Variants in AUTS2 observed in about 807,000 individuals in gnomAD.
The protein encoded by AUTS2 is activator of transcription and developmental regulator AUTS2.
Under a neutral mutation model 112.4 loss-of-function variants are expected in AUTS2, and 17 were observed. The observed-to-expected ratio is 0.15, with a 90% CI of 0.10 to 0.23. AUTS2 has a LOEUF of 0.23. Among genes scored for constraint, AUTS2 ranks in the 10% least tolerant of loss-of-function variants. The pLI, the probability that AUTS2 is intolerant of heterozygous loss-of-function variation, is 1.00. For synonymous variants in AUTS2, 751 were observed against 702.7 expected, an observed-to-expected ratio of 1.07 and a Z score of -1.09; for missense variants, 1,510 against 1,701.6, an observed-to-expected ratio of 0.89 and a Z score of 1.98.
At chr7:69,727,770 CTTTG>C (rs1786588008) in intron 1 of AUTS2, among the ~76,000 whole-genome samples, 2 of 152,214 alleles carry the variant, frequency 1.3e-5, no homozygotes, top group African/African-American at 4.8e-5. Flanking sequence ...AATCCTCCCA[CTTTG>C]TTTTCTTTTC....
At chr7:70,427,339 G>T (rs1001895283) in intron 4 of AUTS2, among the ~76,000 whole-genome samples, 1 of 152,170 alleles carries the variant, frequency 6.6e-6, no homozygotes, top group African/African-American at 2.4e-5. Context: ...ATTTTTCTGA[G>T]TTTGGCAACC....
intron 5 of AUTS2, among the ~76,000 whole-genome samples, chr7:70,616,737 A>T (rs1432490224): frequency 1.3e-5 from 2 of 150,998 alleles, no homozygotes; most frequent in Non-Finnish European, 2.9e-5. Flanking sequence ...TTCTTCTCAA[A>T]ATAGAGTGTC....
intron 5 of AUTS2, among the ~76,000 whole-genome samples, chr7:70,655,793 C>T (rs762508353): frequency 1.2e-4 from 19 of 152,190 alleles, no homozygotes; most frequent in Non-Finnish European, 2.8e-4. Flanking sequence ...GGGGAGCAGC[C>T]AACCCAGGTC....
chr7:70,183,883 A>G (rs1336081972), intron 4 of AUTS2, among the ~76,000 whole-genome samples: 1 of 151,376 alleles, frequency 6.6e-6, no homozygotes, highest in Non-Finnish European at 1.5e-5. Flanking sequence ...ACCCAGAGAA[A>G]GCTTCACAAG....
chr7:69,716,876 A>G (rs1798635294), intron 1 of AUTS2, among the ~76,000 whole-genome samples: 1 of 152,152 alleles, frequency 6.6e-6, no homozygotes, highest in Admixed American at 6.6e-5. Flanking sequence ...ATTACAAAGG[A>G]TACAGATATG....
At chr7:70,452,259 G>C (rs1186755637) in intron 5 of AUTS2, among the ~76,000 whole-genome samples, 1 of 152,094 alleles carries the variant, frequency 6.6e-6, no homozygotes, top group Non-Finnish European at 1.5e-5. Flanking sequence ...CCAAGGTGTA[G>C]ACCAACCTGA....
intron 4 of AUTS2, among the ~76,000 whole-genome samples, chr7:70,434,052 C>G (rs900910655): frequency 6.6e-6 from 1 of 152,278 alleles, no homozygotes; most frequent in East Asian, 1.9e-4. Flanking sequence ...CTTTTTGCCT[C>G]ATTTTTGCAA....
chr7:69,835,974 C>T (rs1791704986), intron 1 of AUTS2, among the ~76,000 whole-genome samples: 1 of 152,144 alleles, frequency 6.6e-6, no homozygotes, highest in African/African-American at 2.4e-5. Flanking sequence ...AACGAATTGC[C>T]TCCTGGCCGT....
At chr7:69,898,532 G>A (rs1339354022) in intron 1 of AUTS2, among the ~76,000 whole-genome samples, 1 of 152,114 alleles carries the variant, frequency 6.6e-6, no homozygotes, top group African/African-American at 2.4e-5. Flanking sequence ...TGTGTACTGA[G>A]CTGCCTGGAG....
chr7:70,388,697 T>C (rs1008170292), intron 4 of AUTS2, among the ~76,000 whole-genome samples: 2 of 152,202 alleles, frequency 1.3e-5, no homozygotes, highest in African/African-American at 4.8e-5. Flanking sequence ...AAAGAGATAG[T>C]TATCCTAATA....
intron 2 of AUTS2, among the ~76,000 whole-genome samples, chr7:69,995,450 A>G (rs760227030): frequency 6.6e-6 from 1 of 152,208 alleles, no homozygotes; most frequent in Non-Finnish European, 1.5e-5. Context: ...AAAAATAGAA[A>G]TTAAATACCG....
At chr7:70,406,589 G>A (rs1019035336) in intron 4 of AUTS2, among the ~76,000 whole-genome samples, 2 of 152,206 alleles carry the variant, frequency 1.3e-5, no homozygotes, top group African/African-American at 4.8e-5. Context: ...CATCATCTCT[G>A]TTAGCCATTA....
intron 1 of AUTS2, among the ~76,000 whole-genome samples, chr7:69,666,092 C>T (rs1395567698): frequency 6.6e-6 from 1 of 152,128 alleles, no homozygotes; most frequent in Non-Finnish European, 1.5e-5. Context: ...CTTAATGTTT[C>T]ATTATACATA....
chr7:70,088,676 G>A (rs901599783), intron 2 of AUTS2, among the ~76,000 whole-genome samples: 1 of 151,334 alleles, frequency 6.6e-6, no homozygotes, highest in African/African-American at 2.4e-5. Flanking sequence ...GCAATGGCGC[G>A]ATCTCGGCTG....
Position 69,923,733 on chromosome 7 carries a change from T to A in AUTS2, c.522+24235T>A, listed in dbSNP as rs534190310. 2.0e-5 allele frequency among the ~76,000 whole-genome samples: 3 copies of A among 152,348 alleles called. No homozygotes were observed. In the South Asian group the frequency reaches 6.2e-4, roughly 32 times the overall value. ...TGCAGTATTAAATGGTGGTGTTTTT[T>A]AACTTTAGTTTCCAGTTCACTATCA... On this transcript the variant is annotated intron_variant, in intron 2 of 18. Transcript: ENST00000342771.
intron 2 of AUTS2, among the ~76,000 whole-genome samples, chr7:70,028,974 T>C (rs191551905): frequency 6.6e-6 from 1 of 152,144 alleles, no homozygotes; most frequent in Admixed American, 6.6e-5. Flanking sequence ...TACTGAGTAA[T>C]ACTCCTCAAA....
intron 1 of AUTS2, among the ~76,000 whole-genome samples, chr7:69,846,507 C>T (rs920812207): frequency 3.2e-4 from 49 of 152,218 alleles, no homozygotes; most frequent in Admixed American, 2.0e-4. Context: ...CTTTTGAGCA[C>T]TCCCTATGTG....
chr7:69,765,653 G>T (rs555150746), intron 1 of AUTS2, among the ~76,000 whole-genome samples: 2 of 152,108 alleles, frequency 1.3e-5, no homozygotes, highest in East Asian at 1.9e-4. Flanking sequence ...AAAATTTGTG[G>T]TATAGTCCGG....
Position 69,903,106 on chromosome 7 carries a change from A to T in AUTS2, c.522+3608A>T, listed in dbSNP as rs532691641. ...AAAAAAAGTTTTATCATTTACTTACAAGGACATGGTACTTTTTTTTTCTCA... is the reference window on the plus strand; with the variant it reads ...AAAAAAAGTTTTATCATTTACTTACTAGGACATGGTACTTTTTTTTTCTCA... On this transcript the variant is annotated intron_variant, in intron 2 of 18. Coordinates refer to ENST00000342771, the MANE Select transcript of AUTS2 (RefSeq NM_015570.4). 1.8e-4 allele frequency among the ~76,000 whole-genome samples: 28 copies of T among 152,322 alleles called. 1 individual carries two copies. Among genetic ancestry groups the T allele is most frequent in the African/African-American group, 5.3e-4 (22 of 41,578 alleles).
Sources: allele counts gnomAD v4.1 joint callset (sites outside exome capture counted in the v4.1 genomes callset), GRCh38; gene constraint gnomAD v4.1.1; transcripts MANE v1.5; gene names NCBI Gene and HGNC (gene_info 2026-07-23, HGNC 2026-07-21).